Variants in SCAI observed in about 807,000 individuals in gnomAD.
SCAI encodes the protein protein SCAI.
SCAI carries 24 observed loss-of-function variants against 92.2 expected under a neutral mutation model. The ratio of observed to expected loss-of-function variants is 0.26; its 90% CI spans 0.19 to 0.37. The LOEUF is 0.37. SCAI is among the 10% of genes least tolerant of loss of function. The pLI, the probability that SCAI is intolerant of heterozygous loss-of-function variation, is 1.00. For missense variants in SCAI, 450 were observed against 736.2 expected, an observed-to-expected ratio of 0.61 and a Z score of 4.50; for synonymous variants, 261 against 258.6, an observed-to-expected ratio of 1.01 and a Z score of -0.09.
At chr9:125,097,624 T>G (rs938887528) in intron 2 of SCAI, among the ~76,000 whole-genome samples, 4 of 151,736 alleles carry the variant, frequency 2.6e-5, no homozygotes, top group South Asian at 2.1e-4. Flanking sequence ...AATACCAGGA[T>G]AGTCTTACAG....
In SCAI at chr9:124,942,682, G is replaced by A. The variant is rs1398698839; in HGVS notation, c.*10125C>T. The A allele has an allele frequency of 6.6e-6, 1 of 152,234 alleles. No homozygotes were observed. The highest frequency in any genetic ancestry group is 1.5e-5 in the Non-Finnish European group (1 of 68,034). The allele number at this position is 152,234 out of a possible 1,614,324, so 9.4% of individuals were successfully genotyped here. Reference sequence around the variant, plus strand: ...TGTGGATTCAAGGTACAAAATTCATGTACAAGAGTTCACACCTGATGAATG... The same window carrying A: ...TGTGGATTCAAGGTACAAAATTCATATACAAGAGTTCACACCTGATGAATG... On this transcript the variant is annotated 3_prime_UTR_variant, in exon 18 of 18. Coordinates refer to ENST00000336505, the MANE Select transcript of SCAI (RefSeq NM_001144877.3).
rs756508043 is a variant in SCAI, at chr9:124,971,411, T to C, written c.1633A>G (p.Ile545Val). Residue 545 changes from isoleucine to valine, a missense_variant, in exon 17 of 18, where the codon ATC becomes GTC. Ile to Val is a conservative substitution (Grantham distance 29). This residue lies in a region of SCAI where 360 missense variants were observed against 601.8 expected (regional missense o/e 0.60). Coordinates refer to ENST00000336505, the MANE Select transcript of SCAI (RefSeq NM_001144877.3). ...ATCCTCATGGTGGCTGAACAAAAGA[T>C]AAATCTTGTGAGGAGCAAGCGAAGA... The part of the protein sequence containing the change: ...EFLRLLLTRF[I>V]FCSATMRMHK... 31 of 1,612,784 alleles carry C rather than the reference T, an allele frequency of 1.9e-5. No homozygotes were observed. The highest frequency in any genetic ancestry group is 1.6e-4 in the Middle Eastern group (1 of 6,078).
chr9:125,077,968 C>T (rs1383066077), intron 2 of SCAI, among the ~76,000 whole-genome samples: 1 of 152,112 alleles, frequency 6.6e-6, no homozygotes, highest in Non-Finnish European at 1.5e-5. Flanking sequence ...ATCCACACCC[C>T]CCCCGCCTCC....
intron 2 of SCAI, among the ~76,000 whole-genome samples, chr9:125,134,198 T>C (rs982538752): frequency 3.3e-5 from 5 of 152,172 alleles, no homozygotes; most frequent in Non-Finnish European, 7.3e-5. Context: ...CTTCTAAACC[T>C]TCAGGGCTTA....
intron 17 of SCAI, among the ~76,000 whole-genome samples, chr9:124,970,293 C>T (rs1236140608): frequency 2.6e-5 from 4 of 152,044 alleles, no homozygotes; most frequent in Non-Finnish European, 5.9e-5. Context: ...TATAGTCAAT[C>T]AACATGGCTC....
intron 3 of SCAI, among the ~76,000 whole-genome samples, chr9:125,047,750 T>C (rs997756852): frequency 1.3e-5 from 2 of 152,364 alleles, no homozygotes; most frequent in Non-Finnish European, 2.9e-5. Flanking sequence ...CTGAAATGTA[T>C]GTAAGTATAA....
intron 6 of SCAI, among the ~76,000 whole-genome samples, chr9:125,023,235 T>C (rs2131077767): frequency 6.6e-6 from 1 of 152,342 alleles, no homozygotes; most frequent in Admixed American, 6.5e-5. Context: ...AATTTTCTTC[T>C]TCCTTGCTCT....
chr9:124,982,738 TG>T (rs1831912754), intron 14 of SCAI, among the ~76,000 whole-genome samples: 2 of 151,660 alleles, frequency 1.3e-5, no homozygotes, highest in African/African-American at 4.8e-5. Context: ...AAGCCTTTCT[TG>T]GGGGGAAAAG....
intron 2 of SCAI, among the ~76,000 whole-genome samples, chr9:125,122,361 C>A (rs1835172055): frequency 1.3e-5 from 2 of 151,974 alleles, no homozygotes; most frequent in South Asian, 2.1e-4. Flanking sequence ...GAGGTCGAGG[C>A]GGGTGGACCA....
Position 125,055,870 on chromosome 9 carries a change from A to G in SCAI, c.230+6T>C. 1 of 1,590,738 alleles carries G rather than the reference A, an allele frequency of 6.3e-7. No individual in the cohort carries two copies. Among genetic ancestry groups the G allele is most frequent in the Non-Finnish European group, 8.5e-7 (1 of 1,172,586 alleles). On this transcript the variant is annotated splice_donor_region_variant and intron_variant, in intron 3 of 17. Transcript: ENST00000336505. ...GAAAAGTTCAAAACACCAAGAGTCC[A>G]CTCACCTTAACCCATTGAACAGTTG...
intron 2 of SCAI, among the ~76,000 whole-genome samples, chr9:125,075,468 G>A (rs926274831): frequency 6.7e-5 from 10 of 150,292 alleles, no homozygotes; most frequent in Non-Finnish European, 1.3e-4. Context: ...ATGATCTCCC[G>A]GCTCACTGCA....
At chr9:124,994,146 C>T (rs10819021) in intron 14 of SCAI, among the ~76,000 whole-genome samples, 54,156 of 151,440 alleles carry the variant, frequency 0.36, 9,849 homozygotes, top group Admixed American at 0.4. Context: ...GTGAGTCTCC[C>T]GCCTCAGCCT....
chr9:125,128,939 T>C (rs549814921), intron 2 of SCAI, among the ~76,000 whole-genome samples: 6 of 151,930 alleles, frequency 3.9e-5, no homozygotes, highest in Non-Finnish European at 5.9e-5. Context: ...GGTGCACAAC[T>C]TTAATCCCAG....
chr9:124,978,166 G>A (rs530002479), intron 14 of SCAI, among the ~76,000 whole-genome samples: 30 of 152,282 alleles, frequency 2.0e-4, no homozygotes, highest in African/African-American at 7.0e-4. Flanking sequence ...TCTTAGCCAG[G>A]CGCGTTGGCT....
chr9:125,106,301 T>C (rs1339587759), intron 2 of SCAI, among the ~76,000 whole-genome samples: 2 of 150,586 alleles, frequency 1.3e-5, no homozygotes, highest in Admixed American at 1.3e-4. Flanking sequence ...GGAAGATTCA[T>C]TTCCAATGGC....
chr9:125,109,493 G>C (rs1285800882), intron 2 of SCAI, among the ~76,000 whole-genome samples: 1 of 151,990 alleles, frequency 6.6e-6, no homozygotes, highest in Non-Finnish European at 1.5e-5. Context: ...ATAATTTAAA[G>C]AACTATACTT....
intron 3 of SCAI, among the ~76,000 whole-genome samples, chr9:125,038,239 C>T (rs577895856): frequency 3.3e-5 from 5 of 152,136 alleles, no homozygotes; most frequent in Admixed American, 2.0e-4. Flanking sequence ...CAAGACCCTA[C>T]CTCAAAAAAA....
At chr9:125,004,775 ATATATTTTTTTTTTTTTTTTT>A (rs1254018044) in intron 9 of SCAI, among the ~76,000 whole-genome samples, 12 of 10,854 alleles carry the variant, frequency 1.1e-3, no homozygotes, top group African/African-American at 3.8e-3. Flanking sequence ...ATATATATAT[ATATATTTTTTTTTTTTTTTTT>A]TTTTTTTTTG....
Position 125,117,464 on chromosome 9 carries a change from G to A in SCAI, c.98+25169C>T, listed in dbSNP as rs1008408399. 3.9e-5 allele frequency among the ~76,000 whole-genome samples: 6 copies of A among 151,984 alleles called. No individual in the cohort carries two copies. In the East Asian group the frequency reaches 5.8e-4, roughly 15 times the overall value. On this transcript the variant is annotated intron_variant, in intron 2 of 17. Coordinates refer to ENST00000336505, the MANE Select transcript of SCAI (RefSeq NM_001144877.3). ...GTAGATCACCTGAGGTCAGGAGTTC[G>A]AGACCAGCCTGGCCAACATGGTGAA... is the stretch of plus-strand genomic sequence containing the variant.
Sources: gnomAD v4.1 joint callset for allele counts (sites outside exome capture counted in the v4.1 genomes callset) on GRCh38, gnomAD v4.1.1 for gene constraint, gnomAD v4.1.1 regional missense constraint, MANE v1.5 for transcripts, NCBI Gene and HGNC (gene_info 2026-07-23, HGNC 2026-07-21) for gene names.